ALK: variants seen among roughly 807,000 people sequenced by gnomAD.
ALK encodes ALK receptor tyrosine kinase.
ALK carries 74 observed loss-of-function variants against 163.1 expected under a neutral mutation model. The observed-to-expected ratio is 0.45, with a 90% CI of 0.38 to 0.55. The LOEUF (loss-of-function observed/expected upper bound fraction) is 0.55. Among genes scored for constraint, ALK ranks in the 20% least tolerant of loss-of-function variants. ALK has a pLI of 0.00. For missense variants in ALK, 2,063 were observed against 2,105.3 expected, an observed-to-expected ratio of 0.98 and a Z score of 0.39; for synonymous variants, 960 against 843.2, an observed-to-expected ratio of 1.14 and a Z score of -2.40.
At chr2:29,266,162 G>T (rs1013206522) in intron 11 of ALK, among the ~76,000 whole-genome samples, 5 of 152,194 alleles carry the variant, frequency 3.3e-5, no homozygotes, top group Non-Finnish European at 7.3e-5. Flanking sequence ...TTCTACGGAT[G>T]AGAGGATTTT....
chr2:29,772,781 T>C (rs1349247910), intron 1 of ALK, among the ~76,000 whole-genome samples: 2 of 152,212 alleles, frequency 1.3e-5, no homozygotes, highest in African/African-American at 2.4e-5. Flanking sequence ...TTTGATAACA[T>C]GTTAGAACTT....
chr2:29,324,117 TA>T (rs1399952511), intron 6 of ALK, among the ~76,000 whole-genome samples: 2 of 152,208 alleles, frequency 1.3e-5, no homozygotes, highest in Admixed American at 6.5e-5. Flanking sequence ...TGTAGCCAGT[TA>T]TTTCATTGGC....
intron 3 of ALK, among the ~76,000 whole-genome samples, chr2:29,651,215 A>G (rs1468218065): frequency 6.6e-6 from 1 of 152,158 alleles, no homozygotes; most frequent in Admixed American, 6.6e-5. Flanking sequence ...TCTTCCTGAC[A>G]TGATAGTGGG....
At position 29,221,049 on chromosome 2, in the gene ALK, C is replaced by T. The variant is rs769093368; in HGVS notation, c.3516-214G>A. The T allele has an allele frequency of 7.3e-6, 5 of 682,232 alleles. No individual in the cohort carries two copies. The Admixed American group carries it at 1.0e-4, about 14-fold the overall frequency. The allele number at this position is 682,232 out of a possible 1,614,324, so 42.3% of individuals were successfully genotyped here. ...AACCACAGCAGGCTCCACAGGAGTT[C>T]CATTTGCAGGAGAGTGGCTGGAGCT... On this transcript the variant is annotated intron_variant, in intron 22 of 28. Transcript: ENST00000389048.
chr2:29,468,187 C>T (rs1180383774), intron 4 of ALK, among the ~76,000 whole-genome samples: 1 of 152,150 alleles, frequency 6.6e-6, no homozygotes, highest in Non-Finnish European at 1.5e-5. Context: ...TGCCACCACA[C>T]CCAGCTAATT....
chr2:29,296,788 T>G, intron 9 of ALK, 100 bp downstream of exon 9: 2 of 1,444,352 alleles, frequency 1.4e-6, no homozygotes, highest in Non-Finnish European at 1.9e-6. Context: ...CATCTGCATG[T>G]GTGTCTTGGG....
intron 3 of ALK, among the ~76,000 whole-genome samples, chr2:29,635,665 T>A (rs897860951): frequency 3.3e-5 from 5 of 151,388 alleles, no homozygotes; most frequent in Non-Finnish European, 5.9e-5. Flanking sequence ...CCCCCAGGTG[T>A]GATCTCGGCT....
intron 8 of ALK, among the ~76,000 whole-genome samples, chr2:29,316,892 G>A (rs1009283418): frequency 3.9e-5 from 6 of 152,304 alleles, no homozygotes; most frequent in Admixed American, 6.5e-5. Context: ...AGGAAGTGGC[G>A]AATGTCGAGT....
In ALK at chr2:29,193,082, C is replaced by T; in HGVS notation, c.*142G>A. ...ACCTTTCTAAAGCATTTTCAAAATA[C>T]AGCTTTTTTGGTGGTACTTCAAAAT... On this transcript the variant is annotated 3_prime_UTR_variant, in exon 29 of 29. Coordinates refer to ENST00000389048, the MANE Select transcript of ALK (RefSeq NM_004304.5). 1.1e-6 allele frequency: 1 copy of T among 898,772 alleles called. No individual in the cohort carries two copies. The highest frequency in any genetic ancestry group is 1.5e-5 in the South Asian group (1 of 67,394). 55.7% of individuals were successfully genotyped at this position (898,772 alleles called of 1,614,324 possible).
intron 3 of ALK, among the ~76,000 whole-genome samples, chr2:29,588,405 AT>A (rs1674951409): frequency 6.6e-6 from 1 of 151,832 alleles, no homozygotes; most frequent in Non-Finnish European, 1.5e-5. Flanking sequence ...TAATTTTTGT[AT>A]TTTTAGTAGA....
At chr2:29,343,911 T>C (rs2148273295) in intron 5 of ALK, among the ~76,000 whole-genome samples, 1 of 152,304 alleles carries the variant, frequency 6.6e-6, no homozygotes, top group South Asian at 2.1e-4. Context: ...TGCCAGGTAC[T>C]ATATTCTCTA....
At chr2:29,499,261 G>A (rs1672107899) in intron 4 of ALK, among the ~76,000 whole-genome samples, 1 of 152,002 alleles carries the variant, frequency 6.6e-6, no homozygotes, top group African/African-American at 2.4e-5. Flanking sequence ...CAATGGTGTG[G>A]TCTCGGCTCA....
At chr2:29,572,391 A>G (rs1401723749) in intron 3 of ALK, among the ~76,000 whole-genome samples, 1 of 152,188 alleles carries the variant, frequency 6.6e-6, no homozygotes, top group Non-Finnish European at 1.5e-5. Flanking sequence ...TCCTCAGCTT[A>G]GTAAGCAAGG....
At chr2:29,669,595 T>A (rs930221868) in intron 3 of ALK, among the ~76,000 whole-genome samples, 4 of 152,064 alleles carry the variant, frequency 2.6e-5, no homozygotes, top group Non-Finnish European at 5.9e-5. Context: ...ACAATTTACA[T>A]TTAGTGTTAT....
At chr2:29,838,383 C>T (rs4130303) in intron 1 of ALK, among the ~76,000 whole-genome samples, 1,918 of 152,066 alleles carry the variant, frequency 0.013, 43 homozygotes, top group African/African-American at 0.044. Context: ...ATGAAACCCA[C>T]ACATGATAAA....
intron 4 of ALK, among the ~76,000 whole-genome samples, chr2:29,495,685 G>C (rs1484123256): frequency 6.6e-6 from 1 of 152,192 alleles, no homozygotes; most frequent in Non-Finnish European, 1.5e-5. Context: ...AACACAGGAA[G>C]TGACTTACCC....
intron 1 of ALK, among the ~76,000 whole-genome samples, chr2:29,901,733 C>T (rs951641565): frequency 3.3e-5 from 5 of 152,342 alleles, no homozygotes; most frequent in Admixed American, 2.6e-4. Flanking sequence ...AAGAAAGCCT[C>T]TCTCCCTGTG....
intron 4 of ALK, among the ~76,000 whole-genome samples, chr2:29,519,387 C>G (rs997431316): frequency 3.9e-5 from 6 of 152,180 alleles, no homozygotes; most frequent in African/African-American, 1.4e-4. Context: ...GTTCTGCTAG[C>G]TAGATTATGC....
chr2:29,469,894 T>C (rs567681298), intron 4 of ALK, among the ~76,000 whole-genome samples: 1 of 152,068 alleles, frequency 6.6e-6, no homozygotes, highest in Non-Finnish European at 1.5e-5. Flanking sequence ...CAGAGCCAAA[T>C]GACCCAAAGC....
Sources: allele counts gnomAD v4.1 joint callset (sites outside exome capture counted in the v4.1 genomes callset), GRCh38; gene constraint gnomAD v4.1.1; transcripts MANE v1.5; gene names NCBI Gene and HGNC (gene_info 2026-07-23, HGNC 2026-07-21).